Variants in ABTB3 observed in about 807,000 individuals in gnomAD.
ABTB3 encodes the protein ankyrin repeat and BTB domain containing 3, also known as ankyrin repeat- and BTB/POZ domain-containing protein 3.
the ABTB3 span, among the ~76,000 whole-genome samples, chr12:107,604,425 C>A: frequency 6.7e-6 from 1 of 149,820 alleles, no homozygotes; most frequent in Non-Finnish European, 1.5e-5. Context: ...CCAGCATGGA[C>A]AACAGAGAGA....
chr12:107,649,706 C>G, the ABTB3 span: 1 of 173,206 alleles, frequency 5.8e-6, no homozygotes, highest in African/African-American at 2.4e-5. Flanking sequence ...AAACATCCCT[C>G]AAATCACAAC....
At chr12:107,395,263 C>T in the ABTB3 span, among the ~76,000 whole-genome samples, 2 of 152,178 alleles carry the variant, frequency 1.3e-5, no homozygotes. Context: ...GTCAAAGGGT[C>T]TAGGCTAGGC....
chr12:107,381,673 T>A, the ABTB3 span, among the ~76,000 whole-genome samples: 1 of 152,158 alleles, frequency 6.6e-6, no homozygotes, highest in Non-Finnish European at 1.5e-5. Flanking sequence ...TGGGGCTGTA[T>A]CCTAAGGGCA....
At chr12:107,372,625 T>A in the ABTB3 span, among the ~76,000 whole-genome samples, 2 of 152,128 alleles carry the variant, frequency 1.3e-5, no homozygotes, top group Non-Finnish European at 2.9e-5. Context: ...CTCAGCTGCG[T>A]GGACTTCCTG....
the ABTB3 span, among the ~76,000 whole-genome samples, chr12:107,320,420 C>A: frequency 6.6e-6 from 1 of 152,232 alleles, no homozygotes; most frequent in Admixed American, 6.5e-5. Context: ...TATACTCCAC[C>A]CCTGCACTGT....
chr12:107,541,149 A>C, the ABTB3 span, among the ~76,000 whole-genome samples: 4 of 152,228 alleles, frequency 2.6e-5, no homozygotes, highest in African/African-American at 9.6e-5. Context: ...CTTTTGAAGT[A>C]GTGGCCCCTC....
the ABTB3 span, among the ~76,000 whole-genome samples, chr12:107,479,300 GAGACATCA>G: frequency 6.6e-6 from 1 of 151,948 alleles, no homozygotes; most frequent in South Asian, 2.1e-4. Context: ...TCTCTTCTAA[GAGACATCA>G]CTAACACACC....
At chr12:107,332,632 G>T in the ABTB3 span, among the ~76,000 whole-genome samples, 18 of 152,158 alleles carry the variant, frequency 1.2e-4, no homozygotes, top group Non-Finnish European at 1.5e-4. Context: ...CCCCTGTCAG[G>T]GGCAGAGAAG....
At chr12:107,580,845 G>A in the ABTB3 span, 1 of 1,543,738 alleles carries the variant, frequency 6.5e-7, no homozygotes, top group Non-Finnish European at 8.7e-7. Flanking sequence ...CGCCGAGAGG[G>A]ATAATATTCC....
At chr12:107,320,065 G>A in the ABTB3 span, 9 of 1,497,560 alleles carry the variant, frequency 6.0e-6, no homozygotes, top group African/African-American at 1.1e-4. Context: ...TCTGCGGGAA[G>A]AACGCCAGCG....
chr12:107,331,657 T>G, the ABTB3 span, among the ~76,000 whole-genome samples: 1 of 151,992 alleles, frequency 6.6e-6, no homozygotes, highest in African/African-American at 2.4e-5. Context: ...TGATTGGAGC[T>G]CCTCCTTCCC....
chr12:107,365,253 T>G, the ABTB3 span, among the ~76,000 whole-genome samples: 2 of 152,074 alleles, frequency 1.3e-5, no homozygotes, highest in African/African-American at 4.8e-5. Context: ...CAAAGTTGAG[T>G]GTTCATGGAT....
At chr12:107,355,384 G>A in the ABTB3 span, among the ~76,000 whole-genome samples, 1 of 152,236 alleles carries the variant, frequency 6.6e-6, no homozygotes, top group Non-Finnish European at 1.5e-5. Flanking sequence ...GGAACAGCTG[G>A]TGCCTGGGAG....
chr12:107,524,918 A>C, the ABTB3 span, among the ~76,000 whole-genome samples: 346 of 152,314 alleles, frequency 2.3e-3, 3 homozygotes, highest in African/African-American at 8.1e-3. Flanking sequence ...CCTGTAAACT[A>C]AACTGCAGGT....
the ABTB3 span, chr12:107,318,975 C>T: frequency 5.6e-6 from 9 of 1,613,270 alleles, no homozygotes; most frequent in African/African-American, 1.3e-5. Context: ...GTGGTGAGAA[C>T]GCTGGAGGAT....
the ABTB3 span, among the ~76,000 whole-genome samples, chr12:107,336,186 A>G: frequency 6.6e-6 from 1 of 152,192 alleles, no homozygotes; most frequent in African/African-American, 2.4e-5. Context: ...GCTTGTTGTC[A>G]TTTGTCAAAC....
the ABTB3 span, among the ~76,000 whole-genome samples, chr12:107,350,481 A>G: frequency 2.0e-5 from 3 of 151,660 alleles, no homozygotes; most frequent in Admixed American, 2.0e-4. Flanking sequence ...TGAACCCAGG[A>G]GGCGGAGCTT....
the ABTB3 span, among the ~76,000 whole-genome samples, chr12:107,369,392 G>GTTTTTTTTTTTTTTT: frequency 2.2e-5 from 3 of 134,906 alleles, no homozygotes; most frequent in Non-Finnish European, 3.1e-5. Flanking sequence ...TCAAACAAGG[G>GTTTTTTTTTTTTTTT]TTTTTTTTTT....
At chr12:107,319,774 T>C in the ABTB3 span, 4 of 1,459,008 alleles carry the variant, frequency 2.7e-6, no homozygotes, top group Admixed American at 8.9e-5. Context: ...GCTCGGGCCC[T>C]GGTGCGGCCC....
Sources: gnomAD v4.1 joint callset for allele counts (sites outside exome capture counted in the v4.1 genomes callset) on GRCh38, gnomAD v4.1.1 for gene constraint, MANE v1.5 for transcripts, NCBI Gene and HGNC (gene_info 2026-07-23, HGNC 2026-07-21) for gene names.